Variants in FRMD4A observed in about 807,000 individuals in gnomAD.
FRMD4A encodes the protein FERM domain containing 4A.
A neutral mutation model predicts 129.1 loss-of-function variants in FRMD4A; 29 were observed. That is an observed-to-expected ratio of 0.22 (90% CI 0.17 to 0.31). The LOEUF is 0.31. Among genes scored for constraint, FRMD4A ranks in the 10% least tolerant of loss-of-function variants. FRMD4A has a pLI of 1.00. For missense variants in FRMD4A, 1,272 were observed against 1,375.8 expected, an observed-to-expected ratio of 0.92 and a Z score of 1.19; for synonymous variants, 634 against 571.6, an observed-to-expected ratio of 1.11 and a Z score of -1.56.
rs529429271 is a variant in FRMD4A, at chr10:13,995,557, C to T, written c.46-136645G>A. Among the ~76,000 whole-genome samples the T allele has an allele frequency of 1.8e-4, 28 of 152,304 alleles. No individual in the cohort carries two copies. The South Asian group carries it at 5.6e-3, about 30-fold the overall frequency. ...CTGAGATTGTGCCACTGCACTCCAG[C>T]CTGGGCAACAGAGCAAGACTCTGTC... On this transcript the variant is annotated intron_variant, in intron 2 of 24. Transcript: ENST00000357447.
At chr10:13,668,404 T>A (rs1370491738) in intron 17 of FRMD4A, 1 of 152,246 alleles carries the variant, frequency 6.6e-6, no homozygotes, top group Non-Finnish European at 1.5e-5. Context: ...ATTCTCACTA[T>A]TTAAACTAAG....
chr10:14,271,485 G>A (rs1845162622), intron 2 of FRMD4A, among the ~76,000 whole-genome samples: 1 of 152,192 alleles, frequency 6.6e-6, no homozygotes, highest in Non-Finnish European at 1.5e-5. Context: ...GGGAAAACAG[G>A]AGGACCTGAA....
At chr10:14,029,633 C>A (rs2131659726) in intron 2 of FRMD4A, among the ~76,000 whole-genome samples, 1 of 152,234 alleles carries the variant, frequency 6.6e-6, no homozygotes, top group Middle Eastern at 3.4e-3. Context: ...CAGACCACCA[C>A]ACAGTGGATC....
chr10:13,746,945 T>C (rs528682809), intron 9 of FRMD4A, among the ~76,000 whole-genome samples: 14 of 152,200 alleles, frequency 9.2e-5, no homozygotes, highest in African/African-American at 3.4e-4. Context: ...TATGGCATAA[T>C]GTTACATAGT....
At chr10:13,934,600 T>C (rs1244055470) in intron 2 of FRMD4A, among the ~76,000 whole-genome samples, 2 of 152,308 alleles carry the variant, frequency 1.3e-5, no homozygotes, top group African/African-American at 4.8e-5. Context: ...CCTTAGGGCC[T>C]AAGTTTTTCA....
At chr10:14,019,918 C>T (rs899465984) in intron 2 of FRMD4A, among the ~76,000 whole-genome samples, 3 of 152,142 alleles carry the variant, frequency 2.0e-5, no homozygotes, top group African/African-American at 7.2e-5. Flanking sequence ...CTTTGGGGTG[C>T]GTTGTGGGGC....
intron 8 of FRMD4A, 57 bp from the exon 9 acceptor site, chr10:13,747,876 C>A (rs904579209): frequency 1.1e-6 from 1 of 937,900 alleles, no homozygotes; most frequent in Non-Finnish European, 1.8e-6. Context: ...ATCGCACTCT[C>A]TGATACCACT....
At chr10:13,987,278 C>T (rs1421812613) in intron 2 of FRMD4A, among the ~76,000 whole-genome samples, 4 of 152,092 alleles carry the variant, frequency 2.6e-5, no homozygotes, top group South Asian at 2.1e-4. Context: ...AGTTAATAAA[C>T]GATCCTTCCC....
chr10:14,117,891 A>T (rs1375560022), intron 2 of FRMD4A, among the ~76,000 whole-genome samples: 1 of 152,122 alleles, frequency 6.6e-6, no homozygotes, highest in African/African-American at 2.4e-5. Context: ...CAATATGGGC[A>T]CCTATACTTG....
intron 12 of FRMD4A, among the ~76,000 whole-genome samples, chr10:13,715,887 A>G (rs555672178): frequency 1.4e-5 from 2 of 138,824 alleles, no homozygotes; most frequent in South Asian, 4.9e-4. Context: ...CCTGGGTGAC[A>G]GAGTGAGACT....
chr10:14,142,284 C>T (rs1839877350), intron 2 of FRMD4A, among the ~76,000 whole-genome samples: 1 of 152,148 alleles, frequency 6.6e-6, no homozygotes, highest in Non-Finnish European at 1.5e-5. Context: ...TGGTGACAGT[C>T]TCCAAGTTGT....
At chr10:14,312,978 A>G (rs376184927) in intron 2 of FRMD4A, among the ~76,000 whole-genome samples, 3 of 152,230 alleles carry the variant, frequency 2.0e-5, no homozygotes, top group Admixed American at 6.5e-5. Flanking sequence ...CTAAAGTATT[A>G]AGAATCTGGA....
At chr10:14,042,924 C>CAAAAA (rs57492155) in intron 2 of FRMD4A, among the ~76,000 whole-genome samples, 54 of 62,800 alleles carry the variant, frequency 8.6e-4, no homozygotes, top group East Asian at 2.0e-3. Context: ...GACTCCATCT[C>CAAAAA]AAAAAAAAAA....
chr10:14,121,158 A>C (rs994134210), intron 2 of FRMD4A, among the ~76,000 whole-genome samples: 4 of 152,166 alleles, frequency 2.6e-5, no homozygotes, highest in Non-Finnish European at 5.9e-5. Flanking sequence ...ACCTGAGGTC[A>C]GGAGTTCAAG....
intron 2 of FRMD4A, among the ~76,000 whole-genome samples, chr10:13,882,995 G>A (rs1337403223): frequency 2.0e-5 from 3 of 151,826 alleles, no homozygotes; most frequent in Non-Finnish European, 4.4e-5. Context: ...GTAGAGACGG[G>A]GTTTTGCCTT....
intron 14 of FRMD4A, among the ~76,000 whole-genome samples, chr10:13,696,034 C>T (rs965689956): frequency 2.6e-5 from 4 of 152,198 alleles, no homozygotes; most frequent in African/African-American, 7.2e-5. Context: ...TTGTCTTCCT[C>T]CTCCTCCTCC....
At chr10:13,721,716 G>T (rs2089427376) in intron 12 of FRMD4A, among the ~76,000 whole-genome samples, 1 of 152,142 alleles carries the variant, frequency 6.6e-6, no homozygotes, top group Admixed American at 6.5e-5. Context: ...GGCACCTCAG[G>T]GTGCTGTTCT....
At chr10:14,033,780 GAA>G (rs1453957621) in intron 2 of FRMD4A, among the ~76,000 whole-genome samples, 8 of 32,608 alleles carry the variant, frequency 2.5e-4, no homozygotes, top group Admixed American at 9.3e-4. Flanking sequence ...GCAAAACTCA[GAA>G]AGAGAGAGAG....
intron 2 of FRMD4A, among the ~76,000 whole-genome samples, chr10:14,049,435 C>T (rs1354645360): frequency 3.9e-5 from 6 of 152,132 alleles, no homozygotes; most frequent in Non-Finnish European, 8.8e-5. Flanking sequence ...TGGACTCCGA[C>T]CTTTTAAAAA....
Sources: allele counts gnomAD v4.1 joint callset (sites outside exome capture counted in the v4.1 genomes callset), GRCh38; gene constraint gnomAD v4.1.1; transcripts MANE v1.5; gene names NCBI Gene and HGNC (gene_info 2026-07-23, HGNC 2026-07-21).